SLC22A15: variants seen among roughly 807,000 people sequenced by gnomAD.
SLC22A15 encodes the protein solute carrier family 22 member 15, also known as flipt 1.
A neutral mutation model predicts 62.7 loss-of-function variants in SLC22A15; 45 were observed. That is an observed-to-expected ratio of 0.72 (90% CI 0.56 to 0.92). The LOEUF (loss-of-function observed/expected upper bound fraction) is 0.92. Among genes scored for constraint, SLC22A15 ranks in the 40% least tolerant of loss-of-function variants. The pLI is 0.00. For synonymous variants in SLC22A15, 264 were observed against 267.0 expected (o/e 0.99, Z 0.11); for missense variants, 622 against 665.6 (o/e 0.93, Z 0.72).
intron 3 of SLC22A15, among the ~76,000 whole-genome samples, chr1:116,020,309 T>G (rs1410921252): frequency 6.7e-6 from 1 of 149,968 alleles, no homozygotes; most frequent in Non-Finnish European, 1.5e-5. Flanking sequence ...TCCCAGCACT[T>G]TGGGAGGCCG....
rs141268971 is a variant in SLC22A15, at chr1:116,004,741, G to C, written c.300+12498G>C. On this transcript the variant is annotated intron_variant, in intron 2 of 11. Coordinates refer to ENST00000369503, the MANE Select transcript of SLC22A15 (RefSeq NM_018420.3). ...TCTTTTATATTTTATGGAAGAGATT[G>C]TGTAGAGTTGGTATTAATTCCTTAA... 1.4e-4 allele frequency among the ~76,000 whole-genome samples: 22 copies of C among 152,256 alleles called. No homozygotes were observed. The East Asian group carries it at 4.2e-3, about 29-fold the overall frequency.
chr1:116,018,974 A>G (rs1393466462), intron 2 of SLC22A15, among the ~76,000 whole-genome samples: 5 of 152,192 alleles, frequency 3.3e-5, no homozygotes, highest in Non-Finnish European at 7.3e-5. Context: ...TCCTTCATCC[A>G]TCGATAGACA....
At chr1:116,033,967 T>C (rs975490432) in intron 6 of SLC22A15, among the ~76,000 whole-genome samples, 15 of 152,164 alleles carry the variant, frequency 9.9e-5, no homozygotes, top group African/African-American at 3.6e-4. Context: ...TACATCTCTC[T>C]CTTCTTACAT....
intron 1 of SLC22A15, among the ~76,000 whole-genome samples, chr1:115,977,233 G>T (rs1654356988): frequency 6.6e-6 from 1 of 152,120 alleles, no homozygotes; most frequent in Non-Finnish European, 1.5e-5. Flanking sequence ...ACTCTTCTAG[G>T]GGCTTTCAAA....
intron 8 of SLC22A15, among the ~76,000 whole-genome samples, chr1:116,047,736 C>G (rs145313613): frequency 4.4e-4 from 67 of 152,248 alleles, no homozygotes; most frequent in African/African-American, 1.5e-3. Context: ...GAACAGCAGC[C>G]TTCAGCCTAG....
chr1:116,042,895 G>GA (rs2101500190), intron 8 of SLC22A15, among the ~76,000 whole-genome samples: 1 of 152,256 alleles, frequency 6.6e-6, no homozygotes, highest in East Asian at 1.9e-4. Flanking sequence ...CAGAACATTT[G>GA]CCAAGAGAGA....
intron 2 of SLC22A15, among the ~76,000 whole-genome samples, chr1:115,994,854 A>G (rs1655340438): frequency 6.6e-6 from 1 of 152,188 alleles, no homozygotes; most frequent in Admixed American, 6.5e-5. Context: ...ATCCATACCT[A>G]ATTTTGTCAC....
chr1:116,053,340 G>A (rs1459157749), intron 8 of SLC22A15, among the ~76,000 whole-genome samples: 2 of 152,076 alleles, frequency 1.3e-5, no homozygotes, highest in African/African-American at 4.8e-5. Flanking sequence ...GAAGTGAGAA[G>A]GGAAGTTTAG....
chr1:116,015,063 C>T (rs1235061078), intron 2 of SLC22A15: 3 of 152,096 alleles, frequency 2.0e-5, no homozygotes, highest in Non-Finnish European at 4.4e-5. Context: ...CGTATATCAA[C>T]AATACTTGAA....
intron 8 of SLC22A15, among the ~76,000 whole-genome samples, chr1:116,059,964 T>C (rs1658335934): frequency 6.6e-6 from 1 of 152,222 alleles, no homozygotes; most frequent in Non-Finnish European, 1.5e-5. Flanking sequence ...ATACAAGTGT[T>C]TTTTGAGATT....
intron 1 of SLC22A15, 32 bp from the exon 2 acceptor site, chr1:115,991,999 C>T (rs1655159325): frequency 3.2e-6 from 5 of 1,579,782 alleles, no homozygotes; most frequent in Non-Finnish European, 4.3e-6. Flanking sequence ...CAAATATCTG[C>T]AGTGTTTGGT....
chr1:116,011,077 C>T (rs1656228574), intron 2 of SLC22A15, among the ~76,000 whole-genome samples: 1 of 152,150 alleles, frequency 6.6e-6, no homozygotes, highest in Admixed American at 6.5e-5. Context: ...GACTAGTGAA[C>T]TATGTGGGTC....
At chr1:116,042,724 G>C (rs1657819495) in intron 8 of SLC22A15, among the ~76,000 whole-genome samples, 1 of 152,104 alleles carries the variant, frequency 6.6e-6, no homozygotes, top group Non-Finnish European at 1.5e-5. Context: ...GAATTGAAAG[G>C]CGAAATAGAC....
At chr1:116,062,069 C>T (rs1226335509) in intron 8 of SLC22A15, among the ~76,000 whole-genome samples, 2 of 152,044 alleles carry the variant, frequency 1.3e-5, no homozygotes, top group South Asian at 2.1e-4. Flanking sequence ...ATTAGCTGGG[C>T]GTAATGGTGG....
At chr1:115,978,657 G>T (rs2101039901) in intron 1 of SLC22A15, among the ~76,000 whole-genome samples, 1 of 152,242 alleles carries the variant, frequency 6.6e-6, no homozygotes, top group South Asian at 2.1e-4. Context: ...GGGTTGTAGA[G>T]CCACCCAGAG....
At chr1:116,055,118 TG>T (rs1285788297) in intron 8 of SLC22A15, among the ~76,000 whole-genome samples, 9 of 149,132 alleles carry the variant, frequency 6.0e-5, no homozygotes. Context: ...ATCCAGGAGC[TG>T]GTTTTTTGAA....
intron 1 of SLC22A15, among the ~76,000 whole-genome samples, chr1:115,981,736 G>C (rs1654618942): frequency 6.6e-6 from 1 of 152,204 alleles, no homozygotes; most frequent in Non-Finnish European, 1.5e-5. Flanking sequence ...AAAGCAACTA[G>C]ACTGATACCT....
At chr1:115,991,898 GT>G (rs1170041428) in intron 1 of SLC22A15, 132 bp from the exon 2 acceptor site, 24 of 692,554 alleles carry the variant, frequency 3.5e-5, no homozygotes, top group Middle Eastern at 8.3e-4. Flanking sequence ...TGTTTCTGAT[GT>G]GGCTTATATC....
intron 1 of SLC22A15, among the ~76,000 whole-genome samples, chr1:115,984,212 A>T (rs1459718421): frequency 6.6e-6 from 1 of 152,232 alleles, no homozygotes; most frequent in Non-Finnish European, 1.5e-5. Flanking sequence ...CTTCCCAGTT[A>T]TGTAAAGATA....
Sources: allele counts gnomAD v4.1 joint callset (sites outside exome capture counted in the v4.1 genomes callset), GRCh38; gene constraint gnomAD v4.1.1; transcripts MANE v1.5; gene names NCBI Gene and HGNC (gene_info 2026-07-23, HGNC 2026-07-21).